Variants in EFR3A observed in about 807,000 individuals in gnomAD.
The protein encoded by EFR3A is protein EFR3 homolog A.
A neutral mutation model predicts 104.4 loss-of-function variants in EFR3A; 76 were observed. The observed-to-expected ratio is 0.73, with a 90% confidence interval of 0.60 to 0.88. EFR3A has a LOEUF of 0.88. EFR3A is among the 40% of genes least tolerant of loss of function. The pLI is 0.00. For missense variants in EFR3A, 985 were observed against 1,012.5 expected, an observed-to-expected ratio of 0.97 and a Z score of 0.37; for synonymous variants, 330 against 330.0, an observed-to-expected ratio of 1.00 and a Z score of 0.00.
chr8:131,958,600 T>G (rs999502044), intron 7 of EFR3A, among the ~76,000 whole-genome samples: 24 of 140,622 alleles, frequency 1.7e-4, no homozygotes, highest in African/African-American at 5.3e-4. Flanking sequence ...TTTTTTTTTT[T>G]GTACCATTTC....
rs117835893 is a variant in EFR3A at position 131,952,160 on chromosome 8, C to T, written c.489-1658C>T. On this transcript the variant is annotated intron_variant, in intron 5 of 22. Transcript: ENST00000254624. ...CCACCACCACCACCACCACCACCAT[C>T]ATTGTCATCATCCTCGTCGTGGTTA... Among the ~76,000 whole-genome samples, 112 of 152,226 alleles carry T rather than the reference C, an allele frequency of 7.4e-4. 1 individual carries two copies. The East Asian group carries it at 0.02, about 27-fold the overall frequency.
At chr8:131,936,932 T>C (rs1050327205) in intron 1 of EFR3A, among the ~76,000 whole-genome samples, 4 of 152,100 alleles carry the variant, frequency 2.6e-5, no homozygotes, top group African/African-American at 9.7e-5. Context: ...GATTAAATCA[T>C]TGGCCACCTG....
intron 8 of EFR3A, among the ~76,000 whole-genome samples, chr8:131,962,261 T>C (rs1406748798): frequency 2.6e-5 from 4 of 152,190 alleles, no homozygotes; most frequent in Admixed American, 6.5e-5. Flanking sequence ...AGTCACAGAC[T>C]GGCAAATTGG....
chr8:132,007,142 A>G (rs1484365212), intron 22 of EFR3A, among the ~76,000 whole-genome samples: 1 of 151,920 alleles, frequency 6.6e-6, no homozygotes, highest in East Asian at 1.9e-4. Context: ...GTCTTAGGTA[A>G]GTAAAGTGAA....
At chr8:131,919,108 C>A (rs1816876046) in intron 1 of EFR3A, among the ~76,000 whole-genome samples, 1 of 151,114 alleles carries the variant, frequency 6.6e-6, no homozygotes, top group Admixed American at 6.6e-5. Context: ...TAAAGCTTAG[C>A]TAAAAATCTG....
chr8:131,966,935 C>A (rs1216102934), intron 8 of EFR3A, among the ~76,000 whole-genome samples: 3 of 152,106 alleles, frequency 2.0e-5, no homozygotes, highest in African/African-American at 7.2e-5. Context: ...TTGAGTTGTT[C>A]TTTATAAGTA....
chr8:132,001,702 G>A, intron 19 of EFR3A, 57 bp from the exon 20 acceptor site: 1 of 1,434,524 alleles, frequency 7.0e-7, no homozygotes, highest in Non-Finnish European at 9.8e-7. Flanking sequence ...ACTAGGTAAA[G>A]GTGTTATTTA....
Position 131,975,398 on chromosome 8 carries a change from C to CT in EFR3A, c.1160-619dup, listed in dbSNP as rs890481059. 2.5e-4 allele frequency among the ~76,000 whole-genome samples: 31 copies of CT among 125,272 alleles called. 1 individual carries two copies. Among genetic ancestry groups the CT allele is most frequent in the African/African-American group, 5.7e-4 (20 of 34,804 alleles). The allele number at this position is 125,272 out of a possible 152,430, so 82.2% of individuals were successfully genotyped here. On this transcript the variant is annotated intron_variant, in intron 10 of 22. Coordinates refer to ENST00000254624, the MANE Select transcript of EFR3A (RefSeq NM_015137.6). ...AAATACTACCAAAATATTTTTCCTT[C>CT]TTTTTTTTTTCCTATTTTTTTTTTT...
intron 1 of EFR3A, among the ~76,000 whole-genome samples, chr8:131,917,731 T>C (rs1816811494): frequency 6.6e-6 from 1 of 152,330 alleles, no homozygotes; most frequent in Admixed American, 6.5e-5. Context: ...TATACAGAAT[T>C]CCAGGTTCTT....
At chr8:131,957,522 G>A (rs751347649) in intron 7 of EFR3A, among the ~76,000 whole-genome samples, 11 of 151,910 alleles carry the variant, frequency 7.2e-5, no homozygotes, top group South Asian at 2.1e-4. Context: ...GGCCAATTTT[G>A]TATTTTTAGT....
At chr8:131,904,773 C>A (rs918201164) in intron 1 of EFR3A, among the ~76,000 whole-genome samples, 1 of 152,246 alleles carries the variant, frequency 6.6e-6, no homozygotes, top group African/African-American at 2.4e-5. Context: ...CCCCGACAGC[C>A]TAACTCGGCG....
chr8:131,948,933 C>G (rs1818567843), intron 4 of EFR3A, among the ~76,000 whole-genome samples: 1 of 152,062 alleles, frequency 6.6e-6, no homozygotes, highest in African/African-American at 2.4e-5. Flanking sequence ...CATGCTAATG[C>G]CAACTCAATA....
At position 132,012,852 on chromosome 8, in the gene EFR3A, G is replaced by A. The variant is rs917197810; in HGVS notation, c.*1957G>A. On this transcript the variant is annotated 3_prime_UTR_variant, in exon 23 of 23. Coordinates refer to ENST00000254624, the MANE Select transcript of EFR3A (RefSeq NM_015137.6). The stretch of plus-strand genomic sequence containing the variant: ...TCGTGTTTCTTAGTGATTTTAAAAT[G>A]CATGTATTGCATGTAAAGGAAAACC... The A allele has an allele frequency of 2.0e-5, 3 of 152,206 alleles. No individual in the cohort carries two copies. The highest frequency in any genetic ancestry group is 1.3e-4 in the Admixed American group (2 of 15,270). The allele number at this position is 152,206 out of a possible 1,614,324, so 9.4% of individuals were successfully genotyped here.
intron 1 of EFR3A, among the ~76,000 whole-genome samples, chr8:131,939,188 CTTA>C (rs895819000): frequency 4.0e-5 from 6 of 151,882 alleles, no homozygotes; most frequent in Non-Finnish European, 8.8e-5. Context: ...TTATTTAATT[CTTA>C]TTATTATGAA....
chr8:131,962,948 G>A (rs541420730), intron 8 of EFR3A, among the ~76,000 whole-genome samples: 135 of 152,254 alleles, frequency 8.9e-4, no homozygotes, highest in African/African-American at 3.2e-3. Flanking sequence ...TGGAAACTGA[G>A]CAACCTGCTC....
chr8:131,998,825 T>C (rs1050023556), intron 19 of EFR3A, among the ~76,000 whole-genome samples: 7 of 152,026 alleles, frequency 4.6e-5, no homozygotes, highest in African/African-American at 1.7e-4. Flanking sequence ...TGGTTGACTT[T>C]AGACGAATGC....
At chr8:131,915,500 A>G (rs966633898) in intron 1 of EFR3A, among the ~76,000 whole-genome samples, 5 of 152,228 alleles carry the variant, frequency 3.3e-5, no homozygotes, top group African/African-American at 1.2e-4. Flanking sequence ...ACAGAGGTGA[A>G]TAAAGCAGTC....
intron 4 of EFR3A, among the ~76,000 whole-genome samples, chr8:131,948,512 G>A (rs1036476105): frequency 2.6e-5 from 4 of 152,098 alleles, no homozygotes; most frequent in African/African-American, 9.7e-5. Flanking sequence ...GTATTTCCAA[G>A]TGCATTTAGA....
chr8:131,908,076 T>G (rs1417085149), intron 1 of EFR3A, among the ~76,000 whole-genome samples: 4 of 151,918 alleles, frequency 2.6e-5, no homozygotes, highest in Non-Finnish European at 5.9e-5. Flanking sequence ...TTTTTCTTTT[T>G]TTGAGAGGGA....
Sources: gnomAD v4.1 joint callset for allele counts (sites outside exome capture counted in the v4.1 genomes callset) on GRCh38, gnomAD v4.1.1 for gene constraint, MANE v1.5 for transcripts, NCBI Gene and HGNC (gene_info 2026-07-23, HGNC 2026-07-21) for gene names.